Variants in RGS7 observed in about 807,000 individuals in gnomAD.
RGS7 encodes the protein regulator of G-protein signaling 7.
RGS7 carries 27 observed loss-of-function variants against 81.1 expected under a neutral mutation model. The ratio of observed to expected loss-of-function variants is 0.33; its 90% CI spans 0.25 to 0.46. RGS7 has a LOEUF of 0.46. Among genes scored for constraint, RGS7 ranks in the 20% least tolerant of loss-of-function variants. RGS7 has a pLI of 1.00. For missense variants in RGS7, 396 were observed against 607.4 expected (o/e 0.65, Z 3.66); for synonymous variants, 208 against 207.7 (o/e 1.00, Z -0.01).
intron 4 of RGS7, among the ~76,000 whole-genome samples, chr1:240,948,679 G>C: frequency 6.6e-6 from 1 of 151,970 alleles, no homozygotes; most frequent in South Asian, 2.1e-4. Flanking sequence ...CTGACCTCAG[G>C]TGATCCGCCT....
chr1:241,189,912 G>A (rs1053575363), intron 2 of RGS7, among the ~76,000 whole-genome samples: 6 of 151,836 alleles, frequency 4.0e-5, no homozygotes, highest in East Asian at 3.9e-4. Context: ...TCAGGAGATC[G>A]AGCCCACGGT....
chr1:241,310,577 T>C (rs1446177307), intron 2 of RGS7, among the ~76,000 whole-genome samples: 5 of 151,602 alleles, frequency 3.3e-5, no homozygotes, highest in Non-Finnish European at 7.4e-5. Flanking sequence ...TTAAACAATG[T>C]ACTGCCCACG....
At chr1:241,075,592 T>C (rs958366338) in intron 3 of RGS7, among the ~76,000 whole-genome samples, 2 of 151,882 alleles carry the variant, frequency 1.3e-5, no homozygotes, top group African/African-American at 4.8e-5. Context: ...TAACGATACC[T>C]GATAAGAAAA....
intron 3 of RGS7, among the ~76,000 whole-genome samples, chr1:241,049,854 T>A (rs1346986241): frequency 3.9e-5 from 6 of 152,164 alleles, no homozygotes; most frequent in Admixed American, 2.0e-4. Context: ...AAATCTGTGG[T>A]AGTCAGGATG....
At chr1:241,075,804 A>T (rs1381587071) in intron 3 of RGS7, among the ~76,000 whole-genome samples, 1 of 152,208 alleles carries the variant, frequency 6.6e-6, no homozygotes, top group Non-Finnish European at 1.5e-5. Context: ...TGTCTGGGTT[A>T]TGAGAATTGT....
chr1:241,135,659 C>T (rs1046920196), intron 2 of RGS7, among the ~76,000 whole-genome samples: 2 of 152,078 alleles, frequency 1.3e-5, no homozygotes, highest in African/African-American at 4.8e-5. Context: ...GGAAAAAAAC[C>T]TGCCCTTGAA....
chr1:240,907,087 C>T (rs536462434), intron 6 of RGS7, among the ~76,000 whole-genome samples: 2 of 152,130 alleles, frequency 1.3e-5, no homozygotes, highest in South Asian at 4.2e-4. Flanking sequence ...TTGGCTGCCT[C>T]ACCTTTACCT....
intron 2 of RGS7, among the ~76,000 whole-genome samples, chr1:241,297,997 T>C (rs187366106): frequency 1.3e-5 from 2 of 152,212 alleles, no homozygotes; most frequent in African/African-American, 2.4e-5. Flanking sequence ...ATCATTCAAA[T>C]TGGCAAATCA....
chr1:240,983,008 A>G (rs1479321063), intron 4 of RGS7, 71 bp downstream of exon 4: 22 of 848,818 alleles, frequency 2.6e-5, no homozygotes, highest in Middle Eastern at 2.2e-4. Context: ...ATATTAAAAT[A>G]TCCCTGATGA....
At position 240,890,526 on chromosome 1, in the gene RGS7, G is replaced by A. The variant is rs543531374; in HGVS notation, c.386-20407C>T. On this transcript the variant is annotated intron_variant, in intron 6 of 18. Coordinates refer to ENST00000440928, the MANE Select transcript of RGS7 (RefSeq NM_001364886.1). ...ATAATAATGAGAATAATGAAAATAAGTATTGCTTAAAGTTAAAAATAATGA... is the reference window on the plus strand; with the variant it reads ...ATAATAATGAGAATAATGAAAATAAATATTGCTTAAAGTTAAAAATAATGA... Among the ~76,000 whole-genome samples the A allele has an allele frequency of 2.3e-4, 34 of 148,264 alleles. 1 individual carries two copies. Among genetic ancestry groups the A allele is most frequent in the Non-Finnish European group, 4.1e-4 (27 of 65,252 alleles).
intron 6 of RGS7, among the ~76,000 whole-genome samples, chr1:240,877,009 T>C (rs1665540719): frequency 6.6e-6 from 1 of 152,108 alleles, no homozygotes; most frequent in South Asian, 2.1e-4. Context: ...AGGACTTGCT[T>C]TTCTAGGACT....
At chr1:240,840,878 C>G (rs993857197) in intron 9 of RGS7, among the ~76,000 whole-genome samples, 1 of 152,060 alleles carries the variant, frequency 6.6e-6, no homozygotes, top group East Asian at 1.9e-4. Flanking sequence ...ATGTGAAAGA[C>G]TTTTTGAACA....
At chr1:240,821,096 G>C (rs6671262) in intron 10 of RGS7, among the ~76,000 whole-genome samples, 110,693 of 151,944 alleles carry the variant, frequency 0.73, 40,640 homozygotes, top group Non-Finnish European at 0.78. Context: ...GAGCTGGGTC[G>C]ACTCACACCT....
At chr1:241,167,224 G>T (rs1322983770) in intron 2 of RGS7, among the ~76,000 whole-genome samples, 1 of 152,198 alleles carries the variant, frequency 6.6e-6, no homozygotes, top group Non-Finnish European at 1.5e-5. Flanking sequence ...TTGGGAGCAG[G>T]TGAGTGTGTT....
chr1:241,327,126 GA>G lies in RGS7; in HGVS notation c.78+28572del, dbSNP rs1333640260. ...AGAAAGAAAGAAAGAAAGAAAGAAAGAAAGAAAGAAAGAAAGAAAGGAAAGA... is the reference window on the plus strand; with the variant it reads ...AGAAAGAAAGAAAGAAAGAAAGAAAGAAGAAAGAAAGAAAGAAAGGAAAGA... On this transcript the variant is annotated intron_variant, in intron 2 of 18. Coordinates refer to ENST00000440928, the MANE Select transcript of RGS7 (RefSeq NM_001364886.1). Among the ~76,000 whole-genome samples, 4 of 106,114 alleles carry G rather than the reference GA, an allele frequency of 3.8e-5. No homozygotes were observed. In the East Asian group the frequency reaches 7.6e-4, roughly 20 times the overall value. 69.6% of individuals were successfully genotyped at this position (106,114 alleles called of 152,430 possible).
At chr1:241,015,090 A>C (rs771516712) in intron 3 of RGS7, among the ~76,000 whole-genome samples, 1 of 152,192 alleles carries the variant, frequency 6.6e-6, no homozygotes, top group African/African-American at 2.4e-5. Flanking sequence ...CCCATTTCAT[A>C]TTCACAATTA....
intron 4 of RGS7, among the ~76,000 whole-genome samples, chr1:240,953,765 A>G (rs972051415): frequency 6.6e-6 from 1 of 152,032 alleles, no homozygotes. Context: ...TCAGAAATCA[A>G]TAAAATTGAG....
At chr1:241,130,949 A>C (rs1051319108) in intron 2 of RGS7, among the ~76,000 whole-genome samples, 3 of 151,618 alleles carry the variant, frequency 2.0e-5, no homozygotes, top group Non-Finnish European at 4.4e-5. Context: ...AAAAAAACCA[A>C]GAGGCCAGAT....
intron 3 of RGS7, among the ~76,000 whole-genome samples, chr1:241,026,883 A>C (rs2148713379): frequency 6.6e-6 from 1 of 152,182 alleles, no homozygotes; most frequent in South Asian, 2.1e-4. Flanking sequence ...TAAGACATCC[A>C]TGATGTCTTC....
Sources: allele counts gnomAD v4.1 joint callset (sites outside exome capture counted in the v4.1 genomes callset), GRCh38; gene constraint gnomAD v4.1.1; transcripts MANE v1.5; gene names NCBI Gene and HGNC (gene_info 2026-07-23, HGNC 2026-07-21).